DIDO1: variants seen among roughly 807,000 people sequenced by gnomAD.
The protein encoded by DIDO1 is death inducer-obliterator 1.
Under a neutral mutation model 99.4 loss-of-function variants are expected in DIDO1, and 16 were observed. The observed-to-expected ratio is 0.16, with a 90% CI of 0.11 to 0.24. The LOEUF (loss-of-function observed/expected upper bound fraction) is 0.24, where lower values mean the gene tolerates loss of function less well. Ranked by LOEUF, DIDO1 falls within the 10% of genes least tolerant of loss-of-function variation. The pLI is 1.00. For synonymous variants in DIDO1, 1,366 were observed against 1,239.1 expected, an observed-to-expected ratio of 1.10 and a Z score of -2.15; for missense variants, 2,996 against 3,014.0, an observed-to-expected ratio of 0.99 and a Z score of 0.14.
intron 15 of DIDO1, among the ~76,000 whole-genome samples, chr20:62,885,728 G>C (rs2064286551): frequency 6.6e-6 from 1 of 152,212 alleles, no homozygotes; most frequent in South Asian, 2.1e-4. Context: ...GTCAAATCTT[G>C]TCACCCAACT....
rs781720293 is a variant in DIDO1 at position 62,881,018 on chromosome 20, C to T, written c.4938G>A (p.Thr1646=). 12 of 1,604,660 alleles carry T rather than the reference C, an allele frequency of 7.5e-6. No individual in the cohort carries two copies. The highest frequency in any genetic ancestry group is 9.3e-6 in the Non-Finnish European group (11 of 1,178,282). The change falls in exon 16 of 16, where the codon ACG becomes ACA. Residue 1646 remains threonine, a synonymous_variant. Transcript: ENST00000395343. This position sits in a 1 kb window ranked among gnomAD's most constrained non-coding sequence, Gnocchi z 8.3. Reference sequence around the variant, plus strand: ...CAGGCCTGGCCGAGCTGTCTCCAACCGTGGCGGGGCGGGTGCCCTCCCCAG... The same window carrying T: ...CAGGCCTGGCCGAGCTGTCTCCAACTGTGGCGGGGCGGGTGCCCTCCCCAG... ...AEPGEGTRPA[T]VGDSSARPAR... is the part of the protein sequence containing the mutation.
intron 1 of DIDO1, among the ~76,000 whole-genome samples, chr20:62,923,245 G>A (rs547613303): frequency 3.3e-5 from 5 of 152,084 alleles, no homozygotes; most frequent in South Asian, 2.1e-4. Flanking sequence ...GTGCGGTCTC[G>A]GCTCACTGCA....
chr20:62,895,871 AG>A (rs1405943051), intron 8 of DIDO1, among the ~76,000 whole-genome samples: 1 of 152,228 alleles, frequency 6.6e-6, no homozygotes, highest in Non-Finnish European at 1.5e-5. Flanking sequence ...AGGCTGTCTG[AG>A]GCCGGAATAC....
Position 62,891,134 on chromosome 20 carries a change from G to A in DIDO1, c.3367C>T (p.His1123Tyr). The change falls in exon 15 of 16, where the codon CAC becomes TAC. Residue 1123 changes from histidine (H) to tyrosine (Y), a missense_variant. By Grantham distance (83) the His-to-Tyr change is moderately conservative. This residue lies in a region of DIDO1 where 135 missense variants were observed against 202.3 expected (regional missense o/e 0.67). Coordinates refer to ENST00000395343, the MANE Select transcript of DIDO1 (RefSeq NM_001193369.2). ...VSKELCLIRF[H>Y]PATEEEEVAY... ...ACCTCCTCTTCCTCTGTGGCGGGGT[G>A]GAAGCGGATCAGACAGAGCTCCTGC... The A allele has an allele frequency of 2.5e-6, 4 of 1,614,092 alleles. No homozygotes were observed. The highest frequency in any genetic ancestry group is 3.4e-6 in the Non-Finnish European group (4 of 1,180,038).
At chr20:62,912,089 G>A (rs2064956884) in intron 2 of DIDO1, among the ~76,000 whole-genome samples, 1 of 152,196 alleles carries the variant, frequency 6.6e-6, no homozygotes, top group South Asian at 2.1e-4. Context: ...GGCCTGCAAA[G>A]GGACCCAAGT....
rs189997423 is a variant in DIDO1, at chr20:62,935,937, G to C, written c.-200+1859C>G. Among the ~76,000 whole-genome samples, 5 of 152,364 alleles carry C rather than the reference G, an allele frequency of 3.3e-5. No homozygotes were observed. The East Asian group carries it at 7.7e-4, about 24-fold the overall frequency. On this transcript the variant is annotated intron_variant, in intron 1 of 15. Coordinates refer to the DIDO1 transcript ENST00000266070. The stretch of plus-strand genomic sequence containing the variant: ...CAACACAAAGGAGCCAGTTTCTAGA[G>C]AGGATTAAGGAGGGGGCTCGAGCAG...
chr20:62,891,858 C>G (rs766415303), intron 14 of DIDO1, 129 bp downstream of exon 14: 1 of 749,406 alleles, frequency 1.3e-6, no homozygotes, highest in East Asian at 2.8e-5. Context: ...TAACATTCAC[C>G]TGGAAATATC....
intron 8 of DIDO1, 120 bp from the exon 9 acceptor site, chr20:62,895,285 C>A: frequency 1.1e-6 from 1 of 884,310 alleles, no homozygotes; most frequent in Non-Finnish European, 1.8e-6. Flanking sequence ...CCCTCAGGGC[C>A]CACTTGCGTG....
At chr20:62,900,389 A>G (rs1322049005) in intron 6 of DIDO1, among the ~76,000 whole-genome samples, 4 of 152,200 alleles carry the variant, frequency 2.6e-5, no homozygotes, top group Non-Finnish European at 4.4e-5. Context: ...CCCAAAGCAG[A>G]AGGCTGGCTG....
intron 1 of DIDO1, among the ~76,000 whole-genome samples, chr20:62,936,967 T>C (rs1212748396): frequency 2.0e-5 from 3 of 152,270 alleles, no homozygotes; most frequent in African/African-American, 7.2e-5. Flanking sequence ...AAGCATAATT[T>C]TGTCAAGACC....
At chr20:62,885,705 C>G (rs1242240490) in intron 15 of DIDO1, among the ~76,000 whole-genome samples, 1 of 152,182 alleles carries the variant, frequency 6.6e-6, no homozygotes, top group Non-Finnish European at 1.5e-5. Flanking sequence ...AAAGGCACAC[C>G]CGCTGTGAAA....
chr20:62,907,108 T>A (rs1269770562), intron 5 of DIDO1, 39 bp downstream of exon 5: 2 of 1,605,166 alleles, frequency 1.2e-6, no homozygotes, highest in Non-Finnish European at 1.7e-6. Context: ...CTCACGCCTG[T>A]GCGTCCACTG....
upstream of DIDO1, chr20:62,926,507 G>T (rs1035515016): frequency 1.3e-5 from 2 of 151,970 alleles, no homozygotes; most frequent in African/African-American, 4.8e-5. Context: ...CACCGAGATG[G>T]CGCGGGGCTA....
chr20:62,892,202 T>A, intron 13 of DIDO1, 126 bp from the exon 14 acceptor site: 1 of 803,990 alleles, frequency 1.2e-6, no homozygotes, highest in Non-Finnish European at 1.9e-6. Context: ...AGGAAAAGAG[T>A]CACACTTGTA....
chr20:62,928,169 A>C (rs1402072385), upstream of DIDO1, among the ~76,000 whole-genome samples: 1 of 152,170 alleles, frequency 6.6e-6, no homozygotes, highest in African/African-American at 2.4e-5. Flanking sequence ...TGAGATTTTT[A>C]AGAGATTTTA....
At chr20:62,928,651 GT>G (rs888462662), upstream of DIDO1, 62 of 152,306 alleles carry the variant, frequency 4.1e-4, 1 homozygote, top group African/African-American at 1.4e-3. Context: ...TATTTTAAAA[GT>G]AAAACCCAAA....
chr20:62,881,780 G>C lies in DIDO1; in HGVS notation c.4176C>G (p.Asp1392Glu). 1 of 1,613,374 alleles carries C rather than the reference G, an allele frequency of 6.2e-7. No homozygotes were observed. The highest frequency in any genetic ancestry group is 1.1e-5 in the South Asian group (1 of 91,080). The part of the protein sequence containing the change: ...DRPYDPEEEY[D>E]PERAFDTQLV... ...GCTGAGTGTCGAAGGCCCTCTCCGG[G>C]TCGTACTCCTCCTCAGGGTCGTATG... The change falls in exon 16 of 16, where the codon GAC becomes GAG. Residue 1392 changes from aspartate (D) to glutamate (E), a missense_variant. Asp to Glu is a conservative substitution (Grantham distance 45, BLOSUM62 2). Coordinates refer to ENST00000395343, the MANE Select transcript of DIDO1 (RefSeq NM_001193369.2). This position sits in a 1 kb window ranked among gnomAD's most constrained non-coding sequence, Gnocchi z 8.3.
At chr20:62,899,148 G>A (rs1021872794) in intron 6 of DIDO1, among the ~76,000 whole-genome samples, 5 of 152,170 alleles carry the variant, frequency 3.3e-5, no homozygotes, top group African/African-American at 4.8e-5. Context: ...CTCCAGAGGC[G>A]GCAGACAGAC....
Position 62,881,825 on chromosome 20 carries a change from C to G in DIDO1, c.4131G>C (p.Glu1377Asp), listed in dbSNP as rs1312180383. 2 of 1,613,578 alleles carry G rather than the reference C, an allele frequency of 1.2e-6. No homozygotes were observed. The highest frequency in any genetic ancestry group is 2.7e-5 in the African/African-American group (2 of 75,060). The change falls in exon 16 of 16, where the codon GAG (glutamate) becomes GAC (aspartate). Residue 1377 changes from glutamate to aspartate, a missense_variant. Glu to Asp is a conservative substitution (Grantham distance 45, BLOSUM62 2). Around this residue, in one of 5 missense-constraint regions of DIDO1, gnomAD observed 1,562 missense variants for 1,412.6 expected, o/e 1.11. Transcript: ENST00000395343. The surrounding 1 kb of genome is among the most constrained non-coding windows in gnomAD (Gnocchi z 8.3). Reference sequence around the variant, plus strand: ...CGTATGGCCTGTCGTCCTCCTCTTCCTCTAGAGCCTTATCTTTTGAGAACT... The same window carrying G: ...CGTATGGCCTGTCGTCCTCCTCTTCGTCTAGAGCCTTATCTTTTGAGAACT... ...FGQFSKDKALEEEEDDRPYDP... is the reference protein window; with the variant it reads ...FGQFSKDKALDEEEDDRPYDP...
Sources: gnomAD v4.1 joint callset for allele counts (sites outside exome capture counted in the v4.1 genomes callset) on GRCh38, gnomAD v4.1.1 for gene constraint, gnomAD v4.1.1 regional missense constraint, Gnocchi (gnomAD v3.1) non-coding constraint, MANE v1.5 for transcripts, NCBI Gene and HGNC (gene_info 2026-07-23, HGNC 2026-07-21) for gene names.